Variants in HDAC8 observed in about 807,000 individuals in gnomAD.
HDAC8 encodes the protein histone deacetylase-like 1.
HDAC8 carries 1 observed loss-of-function variant against 32.2 expected under a neutral mutation model. The ratio of observed to expected loss-of-function variants is 0.03; its 90% CI spans 0.01 to 0.15. The LOEUF is 0.15. HDAC8 is among the 10% of genes least tolerant of loss of function. The pLI is 1.00. For synonymous variants in HDAC8, 108 were observed against 113.9 expected, an observed-to-expected ratio of 0.95 and a Z score of 0.33; for missense variants, 117 against 300.0, an observed-to-expected ratio of 0.39 and a Z score of 4.51.
chrX:72,511,799 G>A (rs1481423503), intron 4 of HDAC8, among the ~76,000 whole-genome samples: 1 of 111,929 alleles, frequency 8.9e-6, no homozygotes, highest in African/African-American at 3.2e-5. Flanking sequence ...CCTCTATAAC[G>A]TTTGACCACA....
At chrX:72,379,324 T>C (rs2045193035) in intron 9 of HDAC8, among the ~76,000 whole-genome samples, 1 of 111,127 alleles carries the variant, frequency 9.0e-6, no homozygotes, top group East Asian at 2.8e-4. Flanking sequence ...TTTATGTTGA[T>C]TGATATTTTT....
intron 9 of HDAC8, among the ~76,000 whole-genome samples, chrX:72,406,454 C>T (rs1208660296): frequency 9.0e-6 from 1 of 111,500 alleles, no homozygotes; most frequent in Non-Finnish European, 1.9e-5. Context: ...TGGTCTCAAA[C>T]TCCTGACCTC....
At chrX:72,388,859 G>A (rs1555962753) in intron 9 of HDAC8, among the ~76,000 whole-genome samples, 1 of 111,824 alleles carries the variant, frequency 8.9e-6, no homozygotes, top group East Asian at 2.8e-4. Flanking sequence ...CTGACTGCAA[G>A]CCATGAGGTG....
At chrX:72,403,822 G>C in intron 9 of HDAC8, among the ~76,000 whole-genome samples, 1 of 111,273 alleles carries the variant, frequency 9.0e-6, no homozygotes, top group Admixed American at 9.5e-5. Flanking sequence ...GCCAGATTCT[G>C]TCTGGCTGAT....
At chrX:72,354,634 T>C (rs2044276877) in intron 9 of HDAC8, among the ~76,000 whole-genome samples, 1 of 112,099 alleles carries the variant, frequency 8.9e-6, no homozygotes, top group Non-Finnish European at 1.9e-5. Context: ...TTTTGGTGCC[T>C]GGATTTAGCT....
At chrX:72,441,842 G>C in intron 9 of HDAC8, among the ~76,000 whole-genome samples, 1 of 112,047 alleles carries the variant, frequency 8.9e-6, no homozygotes, top group African/African-American at 3.2e-5. Flanking sequence ...GTGTTTAAAG[G>C]AGCTGATGGA....
chrX:72,559,217 G>A lies in HDAC8; in HGVS notation c.437+8672C>T, dbSNP rs781894123. On this transcript the variant is annotated intron_variant, in intron 4 of 10. Transcript: ENST00000373573. Reference sequence around the variant, plus strand: ...CTGCCGAGTGCCTGGGATTGCAGGCGTGCTGCCACGCCTGACTGGTTTTCG... The same window carrying A: ...CTGCCGAGTGCCTGGGATTGCAGGCATGCTGCCACGCCTGACTGGTTTTCG... Among the ~76,000 whole-genome samples the A allele has an allele frequency of 8.5e-5, 9 of 106,341 alleles. No individual in the cohort carries two copies. In the East Asian group the frequency reaches 1.5e-3, roughly 18 times the overall value. The allele number at this position is 106,341 out of a possible 115,157, so 92.3% of individuals were successfully genotyped here. A position where few individuals can be genotyped will look rare whatever the true frequency, so the allele number is the denominator to read the frequency against.
At chrX:72,354,447 G>A (rs17265371) in intron 9 of HDAC8, among the ~76,000 whole-genome samples, 12,211 of 112,162 alleles carry the variant, frequency 0.11, 632 homozygotes, top group South Asian at 0.34. Context: ...AAGTCATCAC[G>A]GGTTTCCCTT....
At chrX:72,554,092 C>T (rs2051185904) in intron 4 of HDAC8, among the ~76,000 whole-genome samples, 1 of 111,795 alleles carries the variant, frequency 8.9e-6, no homozygotes, top group Admixed American at 9.5e-5. Flanking sequence ...CTCTTTTTAT[C>T]TTGGTAAAAT....
chrX:72,402,193 C>T (rs1409274600), intron 9 of HDAC8, among the ~76,000 whole-genome samples: 1 of 110,864 alleles, frequency 9.0e-6, no homozygotes, highest in Non-Finnish European at 1.9e-5. Flanking sequence ...TCTGTAAAAT[C>T]GGTGGTAATT....
chrX:72,450,478 G>T (rs1201739589), intron 9 of HDAC8, among the ~76,000 whole-genome samples: 1 of 112,094 alleles, frequency 8.9e-6, no homozygotes, highest in Non-Finnish European at 1.9e-5. Flanking sequence ...TTTTACTGCA[G>T]TATAGTCATG....
At chrX:72,397,356 C>T (rs782604688) in intron 9 of HDAC8, among the ~76,000 whole-genome samples, 17 of 111,944 alleles carry the variant, frequency 1.5e-4, no homozygotes, top group Non-Finnish European at 3.0e-4. Flanking sequence ...TCTGCAGCTC[C>T]TACTCTGAAA....
chrX:72,411,035 T>C (rs113918857), intron 9 of HDAC8, among the ~76,000 whole-genome samples: 1 of 91,275 alleles, frequency 1.1e-5, no homozygotes, highest in African/African-American at 6.4e-5. Context: ...TCTTTCTTTT[T>C]TTTTTTTTTT....
At chrX:72,352,589 C>T (rs1042968277) in intron 9 of HDAC8, among the ~76,000 whole-genome samples, 3 of 111,977 alleles carry the variant, frequency 2.7e-5, no homozygotes, top group Admixed American at 9.5e-5. Context: ...TCCCCACAGA[C>T]CATGGCAGCT....
intron 9 of HDAC8, among the ~76,000 whole-genome samples, chrX:72,423,794 T>C (rs1395896373): frequency 4.5e-5 from 5 of 112,144 alleles, no homozygotes; most frequent in African/African-American, 1.3e-4. Flanking sequence ...AATCTGTGAA[T>C]TCCATATTCA....
At chrX:72,508,086 T>C (rs1300412484) in intron 4 of HDAC8, among the ~76,000 whole-genome samples, 2 of 112,411 alleles carry the variant, frequency 1.8e-5, no homozygotes, top group Non-Finnish European at 3.8e-5. Context: ...TTTGCAACAA[T>C]CTTTTATGCC....
chrX:72,527,824 G>A (rs1396775300), intron 4 of HDAC8, among the ~76,000 whole-genome samples: 1 of 98,535 alleles, frequency 1.0e-5, no homozygotes, highest in Non-Finnish European at 2.0e-5. Flanking sequence ...CACCCAGGCT[G>A]GAGTGCAATG....
At chrX:72,423,049 A>G (rs1182962931) in intron 9 of HDAC8, among the ~76,000 whole-genome samples, 1 of 111,334 alleles carries the variant, frequency 9.0e-6, no homozygotes, top group Non-Finnish European at 1.9e-5. Context: ...CTGCACATGT[A>G]CCCCTGAACT....
intron 4 of HDAC8, among the ~76,000 whole-genome samples, chrX:72,560,348 A>G (rs2051500446): frequency 9.1e-6 from 1 of 109,657 alleles, no homozygotes; most frequent in Admixed American, 9.7e-5. Context: ...TTTGTTAAAC[A>G]GATGCTTGAA....
Sources: gnomAD v4.1 joint callset for allele counts (sites outside exome capture counted in the v4.1 genomes callset) on GRCh38, gnomAD v4.1.1 for gene constraint, MANE v1.5 for transcripts, NCBI Gene and HGNC (gene_info 2026-07-23, HGNC 2026-07-21) for gene names.